CFAP299: variants seen among roughly 807,000 people sequenced by gnomAD.
CFAP299 encodes cilia and flagella associated protein 299.
A neutral mutation model predicts 27.0 loss-of-function variants in CFAP299; 21 were observed. The observed-to-expected ratio is 0.78, with a 90% CI of 0.55 to 1.12. CFAP299 has a LOEUF of 1.12. Among genes scored for constraint, CFAP299 ranks in the 50% most tolerant of loss-of-function variants. The pLI, the probability that CFAP299 is intolerant of heterozygous loss-of-function variation, is 0.00. For missense variants in CFAP299, 310 were observed against 276.6 expected, an observed-to-expected ratio of 1.12 and a Z score of -0.86; for synonymous variants, 104 against 98.1, an observed-to-expected ratio of 1.06 and a Z score of -0.36.
Position 80,635,393 on chromosome 4 carries a change from C to T in CFAP299, c.333+52210C>T, listed in dbSNP as rs896518567. Among the ~76,000 whole-genome samples, 3 of 152,138 alleles carry T rather than the reference C, an allele frequency of 2.0e-5. No homozygotes were observed. In the South Asian group the frequency reaches 6.2e-4, roughly 32 times the overall value. On this transcript the variant is annotated intron_variant, in intron 3 of 5. Transcript: ENST00000358105. Reference sequence around the variant, plus strand: ...AAATTAGATTTAAAATCTACTTTTGCCTTCTCTCTTCCTTCTTGCTATAGC... The same window carrying T: ...AAATTAGATTTAAAATCTACTTTTGTCTTCTCTCTTCCTTCTTGCTATAGC...
chr4:80,448,275 T>TTAGGA (rs1047401671), intron 2 of CFAP299, among the ~76,000 whole-genome samples: 1 of 152,228 alleles, frequency 6.6e-6, no homozygotes, highest in African/African-American at 2.4e-5. Flanking sequence ...TATGGGTGAC[T>TTAGGA]GCTGATTCAG....
Position 80,609,736 on chromosome 4 carries a change from G to A in CFAP299, c.333+26553G>A, listed in dbSNP as rs1009969233. Among the ~76,000 whole-genome samples, 23 of 151,834 alleles carry A rather than the reference G, an allele frequency of 1.5e-4. 1 individual carries two copies. Among genetic ancestry groups the A allele is most frequent in the Non-Finnish European group, 1.5e-4 (10 of 67,884 alleles). On this transcript the variant is annotated intron_variant, in intron 3 of 5. Transcript: ENST00000358105. The stretch of plus-strand genomic sequence containing the variant: ...TAAAATTGCTATTTTATGTGTAACT[G>A]TTTTGGTAGTTCTCTAGTAATACAT...
At position 80,529,075 on chromosome 4, in the gene CFAP299, A is replaced by C. The variant is rs142184832; in HGVS notation, c.243-54018A>C. On this transcript the variant is annotated intron_variant, in intron 2 of 5. Transcript: ENST00000358105. ...CCATGTCAGTCCATTATCTGAAGCA[A>C]TCTTCCCAAAACTCAATGAAGCAGT... 2.2e-3 allele frequency among the ~76,000 whole-genome samples: 335 copies of C among 152,202 alleles called. 2 individuals are homozygous for C. The highest frequency in any genetic ancestry group is 5.1e-3 in the Admixed American group (78 of 15,276).
intron 3 of CFAP299, among the ~76,000 whole-genome samples, chr4:80,853,652 A>G (rs1272913392): frequency 6.6e-6 from 1 of 152,178 alleles, no homozygotes; most frequent in Non-Finnish European, 1.5e-5. Flanking sequence ...AAATAGTGGG[A>G]ATCAGGTTGG....
intron 3 of CFAP299, among the ~76,000 whole-genome samples, chr4:80,641,498 C>T (rs554676207): frequency 3.5e-4 from 54 of 152,156 alleles, no homozygotes; most frequent in African/African-American, 1.1e-3. Context: ...CCACCATGCC[C>T]AATCTTATTT....
chr4:80,579,852 C>T (rs1578627579), intron 2 of CFAP299, among the ~76,000 whole-genome samples: 1 of 152,040 alleles, frequency 6.6e-6, no homozygotes, highest in Non-Finnish European at 1.5e-5. Context: ...TTGAAGGCTA[C>T]AGGCAAAACT....
chr4:80,379,815 G>A (rs1205391918), intron 2 of CFAP299, among the ~76,000 whole-genome samples: 3 of 151,900 alleles, frequency 2.0e-5, no homozygotes, highest in Non-Finnish European at 4.4e-5. Flanking sequence ...TTATCTCCCA[G>A]TATATGGTCT....
At chr4:80,930,042 G>A in intron 4 of CFAP299, among the ~76,000 whole-genome samples, 1 of 152,116 alleles carries the variant, frequency 6.6e-6, no homozygotes, top group Non-Finnish European at 1.5e-5. Flanking sequence ...TCACCAGAAA[G>A]AACAAAGCTT....
At chr4:80,386,824 G>A (rs2110026940) in intron 2 of CFAP299, 3 of 940,568 alleles carry the variant, frequency 3.2e-6, no homozygotes, top group Non-Finnish European at 5.3e-6. Flanking sequence ...ATTTCTTGAA[G>A]GGCTGGTGGA....
chr4:80,741,712 G>T (rs369504670), intron 3 of CFAP299, among the ~76,000 whole-genome samples: 1 of 152,136 alleles, frequency 6.6e-6, no homozygotes, highest in Non-Finnish European at 1.5e-5. Context: ...CCTGGGTCAC[G>T]TGCTACCCTA....
At chr4:80,692,607 A>C (rs1190823283) in intron 3 of CFAP299, among the ~76,000 whole-genome samples, 2 of 152,156 alleles carry the variant, frequency 1.3e-5, no homozygotes, top group Non-Finnish European at 2.9e-5. Context: ...AAGAAAACCT[A>C]GGCATTACCA....
intron 2 of CFAP299, among the ~76,000 whole-genome samples, chr4:80,368,997 G>A (rs1723993177): frequency 6.6e-6 from 1 of 152,198 alleles, no homozygotes; most frequent in South Asian, 2.1e-4. Context: ...GGACTGAGCA[G>A]GGTCAGAGCC....
In CFAP299 at chr4:80,892,467, C is replaced by A. The variant is rs946427464; in HGVS notation, c.476+22332C>A. ...CTGGGCAAAAATTTCTTGAGTAATA[C>A]CCCACAAGCACAGGCAACCAAAACA... On this transcript the variant is annotated intron_variant, in intron 4 of 5. Coordinates refer to ENST00000358105, the MANE Select transcript of CFAP299 (RefSeq NM_152770.3). Among the ~76,000 whole-genome samples the A allele has an allele frequency of 9.9e-5, 15 of 152,184 alleles. No homozygotes were observed. In the South Asian group the frequency reaches 1.7e-3, roughly 17 times the overall value.
At chr4:80,857,700 G>C (rs920750436) in intron 3 of CFAP299, among the ~76,000 whole-genome samples, 1 of 152,106 alleles carries the variant, frequency 6.6e-6, no homozygotes, top group Non-Finnish European at 1.5e-5. Flanking sequence ...TTATATGCTG[G>C]ATTACATTTA....
intron 1 of CFAP299, among the ~76,000 whole-genome samples, chr4:80,346,115 G>A (rs763796263): frequency 5.9e-5 from 9 of 152,102 alleles, no homozygotes; most frequent in Non-Finnish European, 8.8e-5. Flanking sequence ...ACTTTTTGAT[G>A]GGGTTGTTTG....
intron 4 of CFAP299, among the ~76,000 whole-genome samples, chr4:80,923,372 T>C (rs2055177): frequency 0.33 from 49,722 of 151,978 alleles, 12,664 homozygotes; most frequent in African/African-American, 0.71. Context: ...TGTCGTCTCT[T>C]AGTGTATATA....
chr4:80,482,205 ACATTAAACTCTTTG>A (rs933687689), intron 2 of CFAP299, among the ~76,000 whole-genome samples: 3 of 151,744 alleles, frequency 2.0e-5, no homozygotes, highest in Non-Finnish European at 4.4e-5. Flanking sequence ...GAGAAAGTGC[ACATTAAACTCTTTG>A]CATTAAAATC....
intron 2 of CFAP299, among the ~76,000 whole-genome samples, chr4:80,575,197 T>C (rs1735790376): frequency 6.6e-6 from 1 of 152,158 alleles, no homozygotes; most frequent in Non-Finnish European, 1.5e-5. Flanking sequence ...TGGTAAGTTA[T>C]ACATATCTAT....
At chr4:80,925,374 G>A (rs1340154094) in intron 4 of CFAP299, among the ~76,000 whole-genome samples, 3 of 151,806 alleles carry the variant, frequency 2.0e-5, no homozygotes, top group East Asian at 1.9e-4. Context: ...CATGATTTAC[G>A]CTACTACAAT....
Sources: allele counts gnomAD v4.1 joint callset (sites outside exome capture counted in the v4.1 genomes callset), GRCh38; gene constraint gnomAD v4.1.1; transcripts MANE v1.5; gene names NCBI Gene and HGNC (gene_info 2026-07-23, HGNC 2026-07-21).